Variants in PCOLCE2 observed in about 807,000 individuals in gnomAD.
The protein encoded by PCOLCE2 is procollagen C-proteinase enhancer 2.
Under a neutral mutation model 47.0 loss-of-function variants are expected in PCOLCE2, and 42 were observed. That is an observed-to-expected ratio of 0.89 (90% confidence interval 0.70 to 1.16). PCOLCE2 has a LOEUF of 1.16. Among genes scored for constraint, PCOLCE2 ranks in the 50% most tolerant of loss-of-function variants. The pLI, the probability that PCOLCE2 is intolerant of heterozygous loss-of-function variation, is 0.00. For missense variants in PCOLCE2, 500 were observed against 526.1 expected (o/e 0.95, Z 0.49); for synonymous variants, 169 against 191.7 (o/e 0.88, Z 0.98).
intron 2 of PCOLCE2, among the ~76,000 whole-genome samples, chr3:142,862,936 A>G (rs936667007): frequency 3.3e-5 from 5 of 152,060 alleles, no homozygotes; most frequent in African/African-American, 1.2e-4. Context: ...GCTTAAGGGA[A>G]TATTTTTATA....
intron 6 of PCOLCE2, chr3:142,827,695 G>C: frequency 8.7e-7 from 1 of 1,153,404 alleles, no homozygotes; most frequent in Non-Finnish European, 1.3e-6. Context: ...CCACCTTGGG[G>C]AGGGGCGCGC....
At chr3:142,883,553 G>C (rs375359792) in intron 2 of PCOLCE2, among the ~76,000 whole-genome samples, 1 of 151,530 alleles carries the variant, frequency 6.6e-6, no homozygotes, top group Non-Finnish European at 1.5e-5. Context: ...CGAGTAGCTG[G>C]GATTACAGGC....
intron 5 of PCOLCE2, among the ~76,000 whole-genome samples, chr3:142,837,955 T>A (rs998116399): frequency 1.3e-5 from 2 of 152,214 alleles, no homozygotes; most frequent in Non-Finnish European, 2.9e-5. Context: ...CCAGGACAGA[T>A]CTCTGATAAG....
At chr3:142,823,407 A>G (rs767396288) in intron 7 of PCOLCE2, 125 bp downstream of exon 7, 59 of 621,192 alleles carry the variant, frequency 9.5e-5, no homozygotes, top group Non-Finnish European at 1.6e-4. Flanking sequence ...ATAGGCAAGT[A>G]TTTTCTTGGA....
intron 2 of PCOLCE2, among the ~76,000 whole-genome samples, chr3:142,872,188 T>C (rs909292811): frequency 1.3e-5 from 2 of 152,180 alleles, no homozygotes; most frequent in African/African-American, 4.8e-5. Flanking sequence ...CACACCTCCT[T>C]TGGGGACTAG....
intron 2 of PCOLCE2, among the ~76,000 whole-genome samples, chr3:142,866,242 A>G (rs1391168465): frequency 6.6e-6 from 1 of 152,192 alleles, no homozygotes. Context: ...TAGAACAAAA[A>G]GGTGGAGGAA....
intron 8 of PCOLCE2, among the ~76,000 whole-genome samples, chr3:142,819,433 T>G (rs1295632696): frequency 6.6e-6 from 1 of 152,218 alleles, no homozygotes; most frequent in Non-Finnish European, 1.5e-5. Flanking sequence ...CCTGAGAGTC[T>G]GGGCAGGTAA....
intron 3 of PCOLCE2, 75 bp from the exon 4 acceptor site, chr3:142,843,123 A>G (rs1937284562): frequency 6.9e-7 from 1 of 1,443,456 alleles, no homozygotes; most frequent in Non-Finnish European, 9.7e-7. Context: ...GGAGATTAGG[A>G]ATGTGGGATC....
In PCOLCE2 at chr3:142,818,377, C is replaced by G; in HGVS notation, c.1206G>C (p.Lys402Asn). The G allele has an allele frequency of 6.2e-7, 1 of 1,613,656 alleles. No homozygotes were observed. Among genetic ancestry groups the G allele is most frequent in the Non-Finnish European group, 8.5e-7 (1 of 1,179,692 alleles). The change falls in exon 9 of 9, where the codon AAG becomes AAC. Residue 402 changes from lysine (K) to asparagine (N), a missense_variant. Coordinates refer to ENST00000295992, the MANE Select transcript of PCOLCE2 (RefSeq NM_013363.4). Reference protein sequence around the residue: ...PNSFIMMFKTKNQKLLDALKN... With the variant: ...PNSFIMMFKTNNQKLLDALKN... ...TTAAGGCATCCAGGAGCTTCTGATT[C>G]TTGGTCTTGAACATCATGATAAAGC...
intron 3 of PCOLCE2, chr3:142,843,260 A>C (rs778464410): frequency 1.6e-6 from 1 of 638,438 alleles, no homozygotes; most frequent in Non-Finnish European, 2.9e-6. Context: ...ATAGCATAGC[A>C]ACACGAGAGA....
intron 5 of PCOLCE2, 108 bp from the exon 6 acceptor site, chr3:142,829,954 G>T: frequency 1.7e-6 from 1 of 584,446 alleles, no homozygotes; most frequent in African/African-American, 1.9e-5. Context: ...ATTACCAGTT[G>T]TTTAAACTTA....
intron 2 of PCOLCE2, among the ~76,000 whole-genome samples, chr3:142,878,171 C>T (rs1933536826): frequency 6.6e-6 from 1 of 152,134 alleles, no homozygotes; most frequent in Admixed American, 6.5e-5. Context: ...ATATGCAGTA[C>T]TCAGGAGCAG....
intron 2 of PCOLCE2, among the ~76,000 whole-genome samples, chr3:142,849,080 G>A (rs911099505): frequency 6.6e-6 from 1 of 151,972 alleles, no homozygotes. Flanking sequence ...GTGAACCCGG[G>A]AGGCGGAGCT....
chr3:142,832,293 G>C (rs1416363256), intron 5 of PCOLCE2, among the ~76,000 whole-genome samples: 2 of 152,020 alleles, frequency 1.3e-5, no homozygotes, highest in African/African-American at 4.8e-5. Flanking sequence ...TCTAGGACGG[G>C]GGTTCTAGAG....
intron 2 of PCOLCE2, among the ~76,000 whole-genome samples, chr3:142,885,743 A>G (rs1933707449): frequency 6.6e-6 from 1 of 152,090 alleles, no homozygotes; most frequent in Non-Finnish European, 1.5e-5. Flanking sequence ...TTAACTCCCT[A>G]CAGTTCATCT....
chr3:142,851,702 G>C (rs1271303450), intron 2 of PCOLCE2, among the ~76,000 whole-genome samples: 2 of 152,220 alleles, frequency 1.3e-5, no homozygotes, highest in East Asian at 3.8e-4. Flanking sequence ...ACAAGGAAGA[G>C]TGTTGAAGAC....
chr3:142,873,715 CCAAA>C (rs1479332321), intron 2 of PCOLCE2, among the ~76,000 whole-genome samples: 2 of 152,082 alleles, frequency 1.3e-5, no homozygotes, highest in Non-Finnish European at 2.9e-5. Context: ...AACAATAAAC[CCAAA>C]CAGCCTGCTG....
rs991444358 is a variant in PCOLCE2, at chr3:142,889,074, C to T, written c.-178G>A. On this transcript the variant is annotated 5_prime_UTR_variant, in exon 1 of 9. Transcript: ENST00000295992. ...ACCGCCGCGGGGCGGCCCAGGTAGC[C>T]GGGGGATACGCGGCCGGCAGGGCGG... 176 of 383,288 alleles carry T rather than the reference C, an allele frequency of 4.6e-4. No individual in the cohort carries two copies. The highest frequency in any genetic ancestry group is 3.4e-3 in the African/African-American group (161 of 47,932). 23.7% of individuals were successfully genotyped at this position (383,288 alleles called of 1,614,324 possible).
intron 2 of PCOLCE2, among the ~76,000 whole-genome samples, chr3:142,883,708 A>C (rs1357375260): frequency 6.9e-6 from 1 of 145,618 alleles, no homozygotes; most frequent in Non-Finnish European, 1.5e-5. Context: ...TTAAAAAAAA[A>C]AAAAACACAT....
Sources: gnomAD v4.1 joint callset for allele counts (sites outside exome capture counted in the v4.1 genomes callset) on GRCh38, gnomAD v4.1.1 for gene constraint, MANE v1.5 for transcripts, NCBI Gene and HGNC (gene_info 2026-07-23, HGNC 2026-07-21) for gene names.